Variants in ATP9B observed in about 807,000 individuals in gnomAD.
ATP9B encodes ATPase phospholipid transporting 9B, also known as probable phospholipid-transporting ATPase IIB.
ATP9B carries 110 observed loss-of-function variants against 146.1 expected under a neutral mutation model. The observed-to-expected ratio is 0.75, with a 90% CI of 0.65 to 0.88. The LOEUF is 0.88. ATP9B is among the 40% of genes least tolerant of loss of function. The probability of loss-of-function intolerance (pLI) is 0.00; values close to 1 mark genes in which losing one functional copy is unlikely to be tolerated. For missense variants in ATP9B, 1,499 were observed against 1,496.4 expected (o/e 1.00, Z -0.03); for synonymous variants, 604 against 569.7 (o/e 1.06, Z -0.86).
chr18:79,321,929 G>A (rs1009491000), intron 15 of ATP9B, among the ~76,000 whole-genome samples: 3 of 152,228 alleles, frequency 2.0e-5, no homozygotes, highest in Non-Finnish European at 4.4e-5. Flanking sequence ...ACCTTTCACT[G>A]TGTAAATTGG....
At chr18:79,200,794 T>TGGGGTCAGAGCAGAGGTGGAGGTGGGAAC (rs2095478668) in intron 9 of ATP9B, among the ~76,000 whole-genome samples, 1 of 918 alleles carries the variant, frequency 1.1e-3, no homozygotes, top group African/African-American at 3.3e-3. Flanking sequence ...GTGGTGGAAT[T>TGGGGTCAGAGCAGAGGTGGAGGTGGGAAC]GTTTTCATCA....
intron 25 of ATP9B, among the ~76,000 whole-genome samples, chr18:79,351,145 C>G (rs1346092771): frequency 6.6e-6 from 1 of 152,184 alleles, no homozygotes; most frequent in African/African-American, 2.4e-5. Flanking sequence ...GTGTTTCTTC[C>G]TTGGAAGTCA....
chr18:79,072,899 C>T (rs892991249), intron 1 of ATP9B, among the ~76,000 whole-genome samples: 2 of 151,826 alleles, frequency 1.3e-5, no homozygotes, highest in Non-Finnish European at 2.9e-5. Flanking sequence ...TAGAGATGCT[C>T]CTCACCTCCC....
chr18:79,111,214 C>A (rs996399145), intron 3 of ATP9B, among the ~76,000 whole-genome samples: 6 of 152,074 alleles, frequency 3.9e-5, no homozygotes, highest in Non-Finnish European at 5.9e-5. Flanking sequence ...ATTTATTTAT[C>A]TTTCTAAAGG....
rs535988502 is a variant in ATP9B at position 79,203,317 on chromosome 18, T to C, written c.955-3620T>C. Among the ~76,000 whole-genome samples, 31 of 151,926 alleles carry C rather than the reference T, an allele frequency of 2.0e-4. No individual in the cohort carries two copies. In the South Asian group the frequency reaches 6.3e-3, roughly 31 times the overall value. On this transcript the variant is annotated intron_variant, in intron 9 of 29. Transcript: ENST00000426216. The stretch of plus-strand genomic sequence containing the variant: ...GGAGGAGCAGGTACCCGATGCTTCT[T>C]AGAGGCAGGAGGGCGTAGAGGAGCA...
chr18:79,113,089 T>C (rs2094002681), intron 3 of ATP9B, 152 bp from the exon 4 acceptor site: 1 of 496,924 alleles, frequency 2.0e-6, no homozygotes, highest in Non-Finnish European at 3.5e-6. Flanking sequence ...AGAAAGCCAA[T>C]GTGAAAATTA....
intron 15 of ATP9B, among the ~76,000 whole-genome samples, chr18:79,327,835 T>G (rs2096765444): frequency 7.8e-6 from 1 of 127,758 alleles, no homozygotes; most frequent in African/African-American, 3.1e-5. Flanking sequence ...TAGTGTGTTC[T>G]CCGTGGTTAG....
intron 7 of ATP9B, among the ~76,000 whole-genome samples, chr18:79,165,470 C>T (rs965343219): frequency 6.6e-6 from 1 of 152,230 alleles, no homozygotes; most frequent in Non-Finnish European, 1.5e-5. Context: ...AACAGTGTCT[C>T]TAGAAGTTGC....
intron 11 of ATP9B, among the ~76,000 whole-genome samples, chr18:79,234,553 T>TG (rs1379176754): frequency 6.6e-6 from 1 of 151,996 alleles, no homozygotes; most frequent in African/African-American, 2.4e-5. Flanking sequence ...GCATGCTTGC[T>TG]GCGGGCGTGC....
chr18:79,351,115 G>A (rs968470969), intron 25 of ATP9B, among the ~76,000 whole-genome samples: 4 of 152,190 alleles, frequency 2.6e-5, no homozygotes, highest in Admixed American at 2.6e-4. Context: ...AATACTGATT[G>A]CATCTTGAGT....
At chr18:79,090,572 C>T (rs2074240377) in intron 1 of ATP9B, among the ~76,000 whole-genome samples, 1 of 152,130 alleles carries the variant, frequency 6.6e-6, no homozygotes, top group East Asian at 1.9e-4. Context: ...TGTATGTCTT[C>T]TTTTGAGAAA....
At chr18:79,233,216 C>A (rs143650300) in intron 11 of ATP9B, among the ~76,000 whole-genome samples, 2 of 151,900 alleles carry the variant, frequency 1.3e-5, no homozygotes, top group Admixed American at 1.3e-4. Flanking sequence ...CACTTGAACC[C>A]GGAAGGCAGA....
intron 13 of ATP9B, among the ~76,000 whole-genome samples, chr18:79,297,083 GAGACACAGACGACCCAGAGAGA>G (rs1599734314): frequency 6.7e-6 from 1 of 148,776 alleles, no homozygotes; most frequent in Non-Finnish European, 1.5e-5. Context: ...ACCCAGAGAG[GAGACACAGACGACCCAGAGAGA>G]AGACACAGAC....
At chr18:79,104,729 T>C (rs2075537475) in intron 2 of ATP9B, among the ~76,000 whole-genome samples, 1 of 152,122 alleles carries the variant, frequency 6.6e-6, no homozygotes. Flanking sequence ...TATCCTAGAT[T>C]TGTCTAGGAA....
intron 13 of ATP9B, among the ~76,000 whole-genome samples, chr18:79,292,223 G>A (rs2096511578): frequency 6.6e-6 from 1 of 152,168 alleles, no homozygotes; most frequent in African/African-American, 2.4e-5. Context: ...ATGCAGTTAG[G>A]CAAGAGCAAG....
intron 7 of ATP9B, among the ~76,000 whole-genome samples, chr18:79,161,615 G>C (rs1299352379): frequency 6.6e-6 from 1 of 152,202 alleles, no homozygotes; most frequent in Admixed American, 6.5e-5. Context: ...TTGGGAGGCC[G>C]AGATGGGTGG....
chr18:79,108,194 G>C (rs1334839771), intron 2 of ATP9B, among the ~76,000 whole-genome samples: 2 of 152,206 alleles, frequency 1.3e-5, no homozygotes, highest in Non-Finnish European at 2.9e-5. Flanking sequence ...CAGCAGGGAT[G>C]CTGGAGGGAA....
rs2096829112 is a variant in ATP9B at position 79,336,709 on chromosome 18, G to C, written c.2110G>C (p.Glu704Gln). 1 of 1,613,914 alleles carries C rather than the reference G, an allele frequency of 6.2e-7. No homozygotes were observed. The highest frequency in any genetic ancestry group is 8.5e-7 in the Non-Finnish European group (1 of 1,179,956). Reference sequence around the variant, plus strand: ...GACAGAGGAGCAGTACCAGGACTTTGAGGTGAGCCGACTCCCAGCCATCCC... The same window carrying C: ...GACAGAGGAGCAGTACCAGGACTTTCAGGTGAGCCGACTCCCAGCCATCCC... ...ALTEEQYQDFESRYTQAKLSM... is the reference protein window; with the variant it reads ...ALTEEQYQDFQSRYTQAKLSM... Residue 704 changes from glutamate (E) to glutamine (Q), a missense_variant and splice_region_variant, in exon 18 of 30, where the codon GAG becomes CAG. Physicochemically the swap from Glu to Gln is conservative, Grantham distance 29 (BLOSUM62 2). Transcript: ENST00000426216.
chr18:79,076,794 C>A (rs1163636562), intron 1 of ATP9B, among the ~76,000 whole-genome samples: 6 of 152,172 alleles, frequency 3.9e-5, no homozygotes, highest in Non-Finnish European at 1.5e-5. Flanking sequence ...GAAATCTTTT[C>A]TTGTACCATA....
Sources: gnomAD v4.1 joint callset for allele counts (sites outside exome capture counted in the v4.1 genomes callset) on GRCh38, gnomAD v4.1.1 for gene constraint, MANE v1.5 for transcripts, NCBI Gene and HGNC (gene_info 2026-07-23, HGNC 2026-07-21) for gene names.